Variants in CRB1 observed in about 807,000 individuals in gnomAD.
The protein encoded by CRB1 is protein crumbs homolog 1.
CRB1 carries 83 observed loss-of-function variants against 120.0 expected under a neutral mutation model. That is an observed-to-expected ratio of 0.69 (90% confidence interval 0.58 to 0.83). CRB1 has a LOEUF of 0.83. Ranked by LOEUF, CRB1 falls within the 40% of genes least tolerant of loss-of-function variation. The pLI is 0.00. For synonymous variants in CRB1, 625 were observed against 612.5 expected (o/e 1.02, Z -0.30); for missense variants, 1,699 against 1,687.6 (o/e 1.01, Z -0.12).
At chr1:197,371,782 T>C (rs996917758) in intron 5 of CRB1, among the ~76,000 whole-genome samples, 1 of 152,138 alleles carries the variant, frequency 6.6e-6, no homozygotes, top group Non-Finnish European at 1.5e-5. Flanking sequence ...AACATCAAGT[T>C]GGGGAATTCA....
chr1:197,442,703 T>A, intron 11 of CRB1: 1 of 397,486 alleles, frequency 2.5e-6, no homozygotes, highest in Non-Finnish European at 4.1e-6. Flanking sequence ...CTTCTATATG[T>A]GAATGACCAC....
the CRB1 span, among the ~76,000 whole-genome samples, chr1:197,244,204 TGATCCTG>T: frequency 6.6e-6 from 1 of 152,192 alleles, no homozygotes; most frequent in African/African-American, 2.4e-5. Flanking sequence ...TGTTTGAATT[TGATCCTG>T]TCATTATGAC....
At chr1:197,204,939 T>TCTCATCTTA in the CRB1 span, among the ~76,000 whole-genome samples, 13 of 152,302 alleles carry the variant, frequency 8.5e-5, no homozygotes, top group South Asian at 1.9e-3. Flanking sequence ...CCATCTTGAG[T>TCTCATCTTA]TAATTTTTTT....
Position 197,450,217 on chromosome 1 carries a change from CTG to C in CRB1, c.4005+7927_4005+7928del, listed in dbSNP as rs1430923187. On this transcript the variant is annotated intron_variant, in intron 11 of 11. Transcript: ENST00000367400. ...GCTACTTTGTCCACAGAAGTGGAAA[CTG>C]TAATTTTAAGAAGGTAATCTGAGAT... Among the ~76,000 whole-genome samples, 26 of 152,242 alleles carry C rather than the reference CTG, an allele frequency of 1.7e-4. No homozygotes were observed. In the East Asian group the frequency reaches 5.0e-3, roughly 29 times the overall value.
At chr1:197,389,871 C>T (rs762302643) in intron 5 of CRB1, among the ~76,000 whole-genome samples, 1 of 152,012 alleles carries the variant, frequency 6.6e-6, no homozygotes, top group African/African-American at 2.4e-5. Flanking sequence ...GTTTTCAGTG[C>T]CCTGGCATCC....
chr1:197,227,813 C>A, the CRB1 span, among the ~76,000 whole-genome samples: 1 of 152,186 alleles, frequency 6.6e-6, no homozygotes, highest in African/African-American at 2.4e-5. Flanking sequence ...TCCATGAGGG[C>A]CCCGCTCCTG....
intron 5 of CRB1, among the ~76,000 whole-genome samples, chr1:197,384,749 T>A (rs1662127868): frequency 1.3e-5 from 2 of 152,098 alleles, no homozygotes; most frequent in South Asian, 2.1e-4. Context: ...CCCACTTAAT[T>A]GTTTAGCATT....
chr1:197,468,385 A>T (rs1223702693), intron 11 of CRB1, among the ~76,000 whole-genome samples: 2 of 151,600 alleles, frequency 1.3e-5, no homozygotes, highest in African/African-American at 4.9e-5. Context: ...AGGATCTAAT[A>T]TGCTGTCTGA....
At chr1:197,232,101 T>A in the CRB1 span, among the ~76,000 whole-genome samples, 38 of 152,186 alleles carry the variant, frequency 2.5e-4, no homozygotes. Flanking sequence ...AAGTAGGGGT[T>A]GGAATGATGC....
intron 1 of CRB1, among the ~76,000 whole-genome samples, chr1:197,326,218 T>C (rs894234489): frequency 6.6e-6 from 1 of 152,190 alleles, no homozygotes; most frequent in Non-Finnish European, 1.5e-5. Flanking sequence ...TAAATAGATA[T>C]GGAGCACAAT....
At chr1:197,266,568 G>A (rs1301314078), upstream of CRB1, among the ~76,000 whole-genome samples, 3 of 152,026 alleles carry the variant, frequency 2.0e-5, no homozygotes, top group East Asian at 1.9e-4. Context: ...TTTTTCTAAA[G>A]GAATTCCTGA....
At chr1:197,233,230 C>T in the CRB1 span, among the ~76,000 whole-genome samples, 2 of 152,078 alleles carry the variant, frequency 1.3e-5, no homozygotes, top group South Asian at 2.1e-4. Context: ...TTCATTTGAT[C>T]CACTGGTCTG....
intron 1 of CRB1, among the ~76,000 whole-genome samples, chr1:197,326,650 T>C (rs1197001698): frequency 6.6e-6 from 1 of 151,662 alleles, no homozygotes; most frequent in Non-Finnish European, 1.5e-5. Context: ...ATAATAATAA[T>C]AAATAATTTA....
intron 1 of CRB1, among the ~76,000 whole-genome samples, chr1:197,309,614 C>T (rs1350570473): frequency 1.5e-4 from 23 of 151,838 alleles, no homozygotes; most frequent in African/African-American, 5.1e-4. Flanking sequence ...ATTAGCTGGG[C>T]GTGGTGGCAG....
chr1:197,434,560 A>G (rs530172694), intron 8 of CRB1, 146 bp from the exon 9 acceptor site: 2 of 687,622 alleles, frequency 2.9e-6, no homozygotes, highest in South Asian at 4.2e-5. Flanking sequence ...TAGAAATAAT[A>G]TAAAAGCAAC....
the CRB1 span, among the ~76,000 whole-genome samples, chr1:197,233,694 C>A: frequency 3.3e-5 from 5 of 152,054 alleles, no homozygotes; most frequent in African/African-American, 1.2e-4. Context: ...TCCTGCCATA[C>A]TACTAGAATA....
chr1:197,461,423 A>T (rs149500059), intron 11 of CRB1, among the ~76,000 whole-genome samples: 1 of 152,206 alleles, frequency 6.6e-6, no homozygotes, highest in African/African-American at 2.4e-5. Flanking sequence ...GCACTCTGGG[A>T]TGGAAAGAGC....
intron 5 of CRB1, among the ~76,000 whole-genome samples, chr1:197,411,504 A>G (rs936851772): frequency 2.0e-5 from 3 of 152,182 alleles, no homozygotes; most frequent in African/African-American, 7.2e-5. Context: ...TCAAGTGAAA[A>G]GAGTTAACTC....
intron 2 of CRB1, among the ~76,000 whole-genome samples, chr1:197,338,291 G>T (rs1221917306): frequency 2.6e-5 from 4 of 152,000 alleles, no homozygotes; most frequent in Non-Finnish European, 5.9e-5. Context: ...TTACTATCTT[G>T]TAAATTTTAT....
Sources: allele counts gnomAD v4.1 joint callset (sites outside exome capture counted in the v4.1 genomes callset), GRCh38; gene constraint gnomAD v4.1.1; transcripts MANE v1.5; gene names NCBI Gene and HGNC (gene_info 2026-07-23, HGNC 2026-07-21).